Variants in MACROD2 observed in about 807,000 individuals in gnomAD.
MACROD2 encodes mono-ADP ribosylhydrolase 2, also known as ADP-ribose glycohydrolase MACROD2.
In MACROD2, 36 loss-of-function variants were observed where a neutral mutation model predicts 70.4. That is an observed-to-expected ratio of 0.51 (90% CI 0.39 to 0.68). MACROD2 has a LOEUF of 0.68. MACROD2 is among the 30% of genes least tolerant of loss of function. The probability of loss-of-function intolerance (pLI) is 0.00; values close to 1 mark genes in which losing one functional copy is unlikely to be tolerated. For missense variants in MACROD2, 496 were observed against 538.4 expected, an observed-to-expected ratio of 0.92 and a Z score of 0.78; for synonymous variants, 172 against 178.8, an observed-to-expected ratio of 0.96 and a Z score of 0.30.
chr20:15,494,762 T>C lies in MACROD2; in HGVS notation c.572-5012T>C, dbSNP rs776071074. On this transcript the variant is annotated intron_variant, in intron 7 of 17. Transcript: ENST00000684519. ...GTGTGTGTGTGTGTGTGTGTGTGTG[T>C]GCGCGTGTGTGTGTGCGCGCGTGTG... is the stretch of plus-strand genomic sequence containing the variant. 1.9e-3 allele frequency among the ~76,000 whole-genome samples: 232 copies of C among 124,832 alleles called. 3 individuals are homozygous for C. The highest frequency in any genetic ancestry group is 7.6e-3 in the South Asian group (30 of 3,962). The allele number at this position is 124,832 out of a possible 152,430, so 81.9% of individuals were successfully genotyped here. A position where few individuals can be genotyped will look rare whatever the true frequency, so the allele number is the denominator to read the frequency against.
chr20:14,453,627 C>G (rs559395978), intron 3 of MACROD2, among the ~76,000 whole-genome samples: 2 of 152,148 alleles, frequency 1.3e-5, no homozygotes, highest in South Asian at 4.1e-4. Flanking sequence ...TCTGCCCCTT[C>G]ATCTTATTTT....
chr20:14,760,067 G>A (rs2071994180), intron 5 of MACROD2, among the ~76,000 whole-genome samples: 1 of 152,052 alleles, frequency 6.6e-6, no homozygotes, highest in Non-Finnish European at 1.5e-5. Context: ...ATTTTCTGAG[G>A]TGGCTCTAAA....
chr20:15,375,900 G>A (rs763655601), intron 6 of MACROD2, among the ~76,000 whole-genome samples: 1 of 152,020 alleles, frequency 6.6e-6, no homozygotes, highest in Admixed American at 6.6e-5. Flanking sequence ...TCAAAACCAG[G>A]TCTGTCTTTT....
At chr20:14,664,053 CTCT>C (rs2070709773) in intron 4 of MACROD2, among the ~76,000 whole-genome samples, 1 of 152,034 alleles carries the variant, frequency 6.6e-6, no homozygotes, top group Admixed American at 6.6e-5. Flanking sequence ...ACAGTATTGT[CTCT>C]TTTTTTCACT....
At chr20:14,350,621 TAG>T (rs1460933516) in intron 3 of MACROD2, among the ~76,000 whole-genome samples, 1 of 152,176 alleles carries the variant, frequency 6.6e-6, no homozygotes, top group Non-Finnish European at 1.5e-5. Flanking sequence ...TTTTTTCCTA[TAG>T]AGTTCTTGAG....
chr20:14,594,981 T>C (rs1385882980), intron 4 of MACROD2, among the ~76,000 whole-genome samples: 4 of 152,134 alleles, frequency 2.6e-5, no homozygotes, highest in African/African-American at 7.2e-5. Flanking sequence ...TTTTCCTGTC[T>C]TTTTTTCCCC....
intron 3 of MACROD2, among the ~76,000 whole-genome samples, chr20:14,229,847 T>G (rs969695610): frequency 6.6e-6 from 1 of 152,182 alleles, no homozygotes; most frequent in Non-Finnish European, 1.5e-5. Flanking sequence ...GGTACACAGA[T>G]ATAATGGAAT....
chr20:15,957,733 T>G (rs1299388310), intron 12 of MACROD2, among the ~76,000 whole-genome samples: 1 of 152,134 alleles, frequency 6.6e-6, no homozygotes, highest in Non-Finnish European at 1.5e-5. Context: ...GGCGGGTACT[T>G]AGGAACAGAT....
intron 3 of MACROD2, among the ~76,000 whole-genome samples, chr20:14,481,434 G>T (rs1276964248): frequency 1.3e-5 from 2 of 152,054 alleles, no homozygotes; most frequent in Non-Finnish European, 2.9e-5. Context: ...GATCAAAATT[G>T]CTGATTATAA....
At chr20:16,027,622 C>G (rs952180974) in intron 15 of MACROD2, among the ~76,000 whole-genome samples, 1 of 152,100 alleles carries the variant, frequency 6.6e-6, no homozygotes, top group African/African-American at 2.4e-5. Context: ...CATAAAGAAC[C>G]ATTGAAAAGA....
At chr20:14,708,652 C>T (rs1372915561) in intron 5 of MACROD2, among the ~76,000 whole-genome samples, 5 of 152,134 alleles carry the variant, frequency 3.3e-5, no homozygotes, top group African/African-American at 1.2e-4. Flanking sequence ...GAGTCTAGCT[C>T]TGTCACCCAG....
intron 7 of MACROD2, among the ~76,000 whole-genome samples, chr20:15,468,267 G>A (rs531721309): frequency 6.6e-6 from 1 of 151,872 alleles, no homozygotes; most frequent in Admixed American, 6.6e-5. Context: ...ATGTCAAGAG[G>A]ATACTTCCTC....
chr20:15,456,049 T>A (rs932852013), intron 7 of MACROD2, among the ~76,000 whole-genome samples: 2 of 152,212 alleles, frequency 1.3e-5, no homozygotes, highest in African/African-American at 4.8e-5. Flanking sequence ...TTTTAACCAT[T>A]TCCTTTTAAG....
chr20:15,231,869 G>A (rs528157525), intron 6 of MACROD2, among the ~76,000 whole-genome samples: 1 of 152,070 alleles, frequency 6.6e-6, no homozygotes, highest in Admixed American at 6.5e-5. Flanking sequence ...TTACTTGAAT[G>A]AAATTAGCAG....
intron 5 of MACROD2, among the ~76,000 whole-genome samples, chr20:15,100,305 T>C (rs2075862533): frequency 1.7e-5 from 1 of 59,204 alleles, no homozygotes; most frequent in Non-Finnish European, 3.1e-5. Flanking sequence ...CATTTTTGAC[T>C]TATGATATTT....
At chr20:16,004,174 G>C (rs1235183756) in intron 15 of MACROD2, among the ~76,000 whole-genome samples, 1 of 152,072 alleles carries the variant, frequency 6.6e-6, no homozygotes, top group East Asian at 1.9e-4. Flanking sequence ...TAAGGATGAG[G>C]ACCTCTTCCC....
chr20:14,014,574 C>A (rs549292031), intron 2 of MACROD2, among the ~76,000 whole-genome samples: 3 of 152,194 alleles, frequency 2.0e-5, no homozygotes, highest in South Asian at 4.1e-4. Flanking sequence ...ACAGTTCATA[C>A]AATAATTTAG....
chr20:15,842,468 CTTT>C (rs3071404), intron 8 of MACROD2, among the ~76,000 whole-genome samples: 29 of 137,440 alleles, frequency 2.1e-4, no homozygotes, highest in Admixed American at 1.7e-3. Context: ...TTTTTTTCAT[CTTT>C]TTTTTTTTTT....
intron 5 of MACROD2, among the ~76,000 whole-genome samples, chr20:15,037,009 T>G (rs1053956081): frequency 6.6e-6 from 1 of 151,998 alleles, no homozygotes; most frequent in African/African-American, 2.4e-5. Context: ...TTTTAATAAG[T>G]TTTTTATTAA....
Sources: allele counts gnomAD v4.1 joint callset (sites outside exome capture counted in the v4.1 genomes callset), GRCh38; gene constraint gnomAD v4.1.1; transcripts MANE v1.5; gene names NCBI Gene and HGNC (gene_info 2026-07-23, HGNC 2026-07-21).